The following UTRN variants were observed in gnomAD, a reference collection of about 807,000 sequenced individuals.
UTRN encodes dystrophin-related protein 1.
In UTRN, 283 loss-of-function variants were observed where a neutral mutation model predicts 463.9. That is an observed-to-expected ratio of 0.61 (90% CI 0.55 to 0.67). The LOEUF is 0.67. Ranked by LOEUF, UTRN falls within the 30% of genes least tolerant of loss-of-function variation. The pLI, the probability that UTRN is intolerant of heterozygous loss-of-function variation, is 0.00. For synonymous variants in UTRN, 1,442 were observed against 1,431.5 expected, an observed-to-expected ratio of 1.01 and a Z score of -0.17; for missense variants, 3,922 against 4,084.3, an observed-to-expected ratio of 0.96 and a Z score of 1.08.
chr6:144,450,827 T>A lies in UTRN; in HGVS notation c.2073-543T>A, dbSNP rs369596236. 6.3e-4 allele frequency among the ~76,000 whole-genome samples: 96 copies of A among 152,292 alleles called. 3 individuals are homozygous for A. The highest frequency in any genetic ancestry group is 2.2e-3 in the African/African-American group (91 of 41,568). ...GTGAAAATTGTTTTAATATGTAAAG[T>A]TTTAAAAATTTTTATTTAAGGCCAG... On this transcript the variant is annotated intron_variant, in intron 17 of 74. Transcript: ENST00000367545.
intron 51 of UTRN, among the ~76,000 whole-genome samples, chr6:144,592,658 C>G (rs191785081): frequency 6.6e-6 from 1 of 152,140 alleles, no homozygotes; most frequent in South Asian, 2.1e-4. Context: ...TGTGAGCCAC[C>G]GTGCCCAGCC....
chr6:144,456,665 TAA>T (rs1491108518), intron 19 of UTRN, among the ~76,000 whole-genome samples: 1 of 145,036 alleles, frequency 6.9e-6, no homozygotes, highest in Non-Finnish European at 1.5e-5. Flanking sequence ...ATAATAATAA[TAA>T]TAATAATAAT....
At chr6:144,318,741 G>C (rs1357035749) in intron 2 of UTRN, among the ~76,000 whole-genome samples, 1 of 152,174 alleles carries the variant, frequency 6.6e-6, no homozygotes, top group African/African-American at 2.4e-5. Flanking sequence ...TGGGATTACA[G>C]GCGTGAGCCA....
chr6:144,657,580 A>G (rs914897220), intron 51 of UTRN, among the ~76,000 whole-genome samples: 8 of 152,136 alleles, frequency 5.3e-5, no homozygotes. Flanking sequence ...CCTCATCTTT[A>G]TGCCTTGTGT....
rs189073290 is a variant in UTRN, at chr6:144,423,501, A to G, written c.235-48A>G. On this transcript the variant is annotated intron_variant, in intron 4 of 74. Coordinates refer to ENST00000367545, the MANE Select transcript of UTRN (RefSeq NM_007124.3). ...ATCTCAGTGCTAGTGTTAGTCAGGC[A>G]TATGGAGGGACAATCAGTTTTACTT... The G allele has an allele frequency of 3.8e-6, 6 of 1,572,968 alleles. No individual in the cohort carries two copies. In the Admixed American group the frequency reaches 1.0e-4, roughly 26 times the overall value.
intron 26 of UTRN, among the ~76,000 whole-genome samples, 180 bp downstream of exon 26, chr6:144,480,162 C>CT (rs951525903): frequency 2.0e-5 from 3 of 152,106 alleles, no homozygotes; most frequent in Non-Finnish European, 4.4e-5. Context: ...GGAAGAAAGC[C>CT]AGGAGTCCAC....
chr6:144,508,800 A>G (rs1332722594), intron 34 of UTRN, among the ~76,000 whole-genome samples: 1 of 152,162 alleles, frequency 6.6e-6, no homozygotes, highest in Non-Finnish European at 1.5e-5. Context: ...CTTCTTTCCA[A>G]AAGGATAACC....
intron 2 of UTRN, among the ~76,000 whole-genome samples, chr6:144,329,397 A>G (rs1024347683): frequency 1.1e-4 from 16 of 152,190 alleles, no homozygotes; most frequent in African/African-American, 3.9e-4. Context: ...ATATTTTTAA[A>G]TGCATAAAAT....
At chr6:144,319,240 A>G (rs1775477297) in intron 2 of UTRN, among the ~76,000 whole-genome samples, 2 of 152,148 alleles carry the variant, frequency 1.3e-5, no homozygotes, top group African/African-American at 2.4e-5. Context: ...CTGTCTGCCA[A>G]TCAGGCTGTT....
intron 9 of UTRN, among the ~76,000 whole-genome samples, chr6:144,433,370 C>T (rs1171841106): frequency 6.6e-5 from 10 of 151,530 alleles, no homozygotes; most frequent in African/African-American, 2.4e-4. Context: ...GGGCTGACCC[C>T]CACCTCCCTC....
intron 14 of UTRN, among the ~76,000 whole-genome samples, chr6:144,445,643 A>G (rs57902986): frequency 0.052 from 7,826 of 151,624 alleles, 639 homozygotes; most frequent in African/African-American, 0.17. Context: ...AAATGTTTAC[A>G]TTTCATGTTA....
At chr6:144,657,250 CAAAAAA>C (rs11400052) in intron 51 of UTRN, among the ~76,000 whole-genome samples, 2 of 68,858 alleles carry the variant, frequency 2.9e-5, no homozygotes, top group Non-Finnish European at 3.2e-5. Flanking sequence ...AACTCCATCT[CAAAAAA>C]AAAAAAAAAA....
chr6:144,288,801 C>T (rs1183921362), intron 1 of UTRN, among the ~76,000 whole-genome samples: 1 of 143,060 alleles, frequency 7.0e-6, no homozygotes, highest in Admixed American at 7.3e-5. Context: ...CCCACTCGGT[C>T]GTCAAGGCTG....
chr6:144,384,587 C>T (rs1032321125), intron 2 of UTRN, among the ~76,000 whole-genome samples: 2 of 152,102 alleles, frequency 1.3e-5, no homozygotes, highest in African/African-American at 4.8e-5. Context: ...ACTCCTCTCT[C>T]CTCCTAGCCC....
At chr6:144,666,956 C>T (rs73599510) in intron 51 of UTRN, among the ~76,000 whole-genome samples, 8,227 of 152,176 alleles carry the variant, frequency 0.054, 244 homozygotes, top group African/African-American at 0.072. Context: ...CCTGATGTTG[C>T]GTATGCTCTT....
intron 51 of UTRN, among the ~76,000 whole-genome samples, chr6:144,584,090 T>C (rs780225665): frequency 6.6e-6 from 1 of 152,228 alleles, no homozygotes; most frequent in Non-Finnish European, 1.5e-5. Context: ...CTGAATTTCA[T>C]CATAAAACAT....
intron 9 of UTRN, among the ~76,000 whole-genome samples, chr6:144,432,745 C>T (rs1397588352): frequency 6.6e-6 from 1 of 151,284 alleles, no homozygotes; most frequent in Non-Finnish European, 1.5e-5. Flanking sequence ...GGGGATTTGG[C>T]AGGGTCACAG....
intron 42 of UTRN, among the ~76,000 whole-genome samples, chr6:144,531,857 G>A (rs371860529): frequency 6.6e-6 from 1 of 152,068 alleles, no homozygotes; most frequent in African/African-American, 2.4e-5. Context: ...TGTTAATGTG[G>A]CCGGGCGCGG....
At chr6:144,552,830 T>C (rs1360176435) in intron 48 of UTRN, among the ~76,000 whole-genome samples, 1 of 152,258 alleles carries the variant, frequency 6.6e-6, no homozygotes, top group African/African-American at 2.4e-5. Context: ...TAAAGGATTC[T>C]ATTAGTAATA....
Sources: gnomAD v4.1 joint callset for allele counts (sites outside exome capture counted in the v4.1 genomes callset) on GRCh38, gnomAD v4.1.1 for gene constraint, MANE v1.5 for transcripts, NCBI Gene and HGNC (gene_info 2026-07-23, HGNC 2026-07-21) for gene names.